The following CES5A variants were observed in gnomAD, a reference collection of about 807,000 sequenced individuals.
CES5A encodes the protein carboxylesterase 5A.
In CES5A, 67 loss-of-function variants were observed where a neutral mutation model predicts 62.9. The ratio of observed to expected loss-of-function variants is 1.07; its 90% CI spans 0.88 to 1.31. The LOEUF (loss-of-function observed/expected upper bound fraction) is 1.31. CES5A is among the 50% of genes most tolerant of loss of function. The pLI, the probability that CES5A is intolerant of heterozygous loss-of-function variation, is 0.00. For missense variants in CES5A, 748 were observed against 708.5 expected, an observed-to-expected ratio of 1.06 and a Z score of -0.63; for synonymous variants, 296 against 280.8, an observed-to-expected ratio of 1.05 and a Z score of -0.54.
At chr16:55,953,226 T>C (rs1003705942) in intron 1 of CES5A, among the ~76,000 whole-genome samples, 2 of 152,200 alleles carry the variant, frequency 1.3e-5, no homozygotes, top group Non-Finnish European at 2.9e-5. Context: ...ACAGTGTACA[T>C]CGTAGTTATG....
intron 4 of CES5A, 111 bp from the exon 5 acceptor site, chr16:55,866,227 G>T: frequency 2.1e-6 from 2 of 972,690 alleles, no homozygotes; most frequent in Non-Finnish European, 3.0e-6. Context: ...AGGGGGCGGA[G>T]AGTCAGAGGC....
Position 55,938,732 on chromosome 16 carries a change from T to C in CES5A, c.160+11053A>G, listed in dbSNP as rs1249256528. On this transcript the variant is annotated intron_variant, in intron 2 of 13. Coordinates refer to the CES5A transcript ENST00000521992. ...GCCTGGGGGAGAGAGTGAGACTCCA[T>C]CTCAAAAAAAAAAAAAAAAAAAAAA... is the stretch of plus-strand genomic sequence containing the variant. Among the ~76,000 whole-genome samples, 24 of 46,160 alleles carry C rather than the reference T, an allele frequency of 5.2e-4. No individual in the cohort carries two copies. The Admixed American group carries it at 6.7e-3, about 13-fold the overall frequency. The allele number at this position is 46,160 out of a possible 152,430, so 30.3% of individuals were successfully genotyped here. A position where few individuals can be genotyped will look rare whatever the true frequency, so the allele number is the denominator to read the frequency against.
chr16:55,956,003 T>C (rs1440740961), exon 1 of CES5A: 5 of 1,104,964 alleles, frequency 4.5e-6, no homozygotes, highest in African/African-American at 1.6e-5. Context: ...GTCAAATGAG[T>C]TCACCACTTT....
intron 1 of CES5A, among the ~76,000 whole-genome samples, chr16:55,897,196 G>A (rs1400344566): frequency 2.0e-5 from 3 of 151,956 alleles, no homozygotes; most frequent in African/African-American, 7.3e-5. Context: ...CCAACCCCAG[G>A]GTACCACTCC....
intron 1 of CES5A, among the ~76,000 whole-genome samples, chr16:55,882,087 T>C (rs1291913135): frequency 6.6e-6 from 1 of 152,128 alleles, no homozygotes; most frequent in Non-Finnish European, 1.5e-5. Flanking sequence ...ATGTCGGCCA[T>C]AACAATGAAA....
At chr16:55,912,018 C>T in intron 1 of CES5A, among the ~76,000 whole-genome samples, 1 of 152,312 alleles carries the variant, frequency 6.6e-6, no homozygotes, top group Middle Eastern at 3.4e-3. Flanking sequence ...CAGTGATGGC[C>T]CAGTGTCCCT....
intron 9 of CES5A, among the ~76,000 whole-genome samples, chr16:55,855,801 G>A (rs1219107105): frequency 6.6e-6 from 1 of 152,164 alleles, no homozygotes; most frequent in African/African-American, 2.4e-5. Context: ...ATTGTGGATT[G>A]GGTTTGTGGG....
intron 4 of CES5A, chr16:55,869,364 A>T: frequency 2.0e-6 from 1 of 502,952 alleles, no homozygotes; most frequent in Non-Finnish European, 3.1e-6. Flanking sequence ...ACCATGAGGA[A>T]GAATGTCTGC....
At chr16:55,929,995 A>T (rs573909937), upstream of CES5A, among the ~76,000 whole-genome samples, 2 of 151,946 alleles carry the variant, frequency 1.3e-5, no homozygotes, top group Admixed American at 1.3e-4. Context: ...TGGCTCCCCA[A>T]TATTGTCAGG....
At chr16:55,874,820 C>T (rs2033664417) in intron 1 of CES5A, among the ~76,000 whole-genome samples, 1 of 152,156 alleles carries the variant, frequency 6.6e-6, no homozygotes, top group Non-Finnish European at 1.5e-5. Flanking sequence ...CATTTCATTA[C>T]TGAAAGTCCT....
intron 1 of CES5A, among the ~76,000 whole-genome samples, chr16:55,954,833 G>A (rs1226737240): frequency 6.6e-6 from 1 of 152,106 alleles, no homozygotes; most frequent in East Asian, 1.9e-4. Context: ...CTTTCCCTAG[G>A]TTCTTATATC....
At chr16:55,929,711 T>C (rs2034290165), upstream of CES5A, among the ~76,000 whole-genome samples, 1 of 152,184 alleles carries the variant, frequency 6.6e-6, no homozygotes. Flanking sequence ...AGGGCATAGA[T>C]TGTATTGAAG....
intron 2 of CES5A, among the ~76,000 whole-genome samples, chr16:55,946,061 G>A (rs184266357): frequency 3.3e-5 from 5 of 152,248 alleles, no homozygotes; most frequent in Middle Eastern, 3.4e-3. Context: ...AGTAGCATTC[G>A]GAATTCACTT....
At chr16:55,927,604 A>C (rs1172043716), upstream of CES5A, among the ~76,000 whole-genome samples, 1 of 152,228 alleles carries the variant, frequency 6.6e-6, no homozygotes, top group Non-Finnish European at 1.5e-5. Context: ...CAATTTTTAC[A>C]AGTCAAAAAT....
intron 1 of CES5A, among the ~76,000 whole-genome samples, chr16:55,909,033 G>A (rs1016155623): frequency 6.6e-6 from 1 of 152,196 alleles, no homozygotes; most frequent in Non-Finnish European, 1.5e-5. Context: ...AACAGGGAAC[G>A]AATGCTCCAC....
At chr16:55,866,236 G>C (rs1597121228) in intron 4 of CES5A, 120 bp from the exon 5 acceptor site, 6 of 840,018 alleles carry the variant, frequency 7.1e-6, no homozygotes, top group Non-Finnish European at 1.1e-5. Flanking sequence ...AGAGTCAGAG[G>C]CCTGGAGGAG....
At chr16:55,881,060 G>T (rs1040529093) in intron 1 of CES5A, among the ~76,000 whole-genome samples, 6 of 152,148 alleles carry the variant, frequency 3.9e-5, no homozygotes, top group Admixed American at 3.3e-4. Context: ...CATCTGGATG[G>T]ATGCATTTGA....
At chr16:55,915,630 G>A (rs529264683) in intron 1 of CES5A, among the ~76,000 whole-genome samples, 3 of 152,190 alleles carry the variant, frequency 2.0e-5, no homozygotes, top group Non-Finnish European at 4.4e-5. Context: ...TCCGCTAGAG[G>A]CCACCTCCTC....
At chr16:55,865,848 T>A in intron 5 of CES5A, 115 bp downstream of exon 5, 9 of 1,157,342 alleles carry the variant, frequency 7.8e-6, no homozygotes, top group Non-Finnish European at 1.2e-5. Flanking sequence ...AAAAAGACAA[T>A]GTGTATTAAA....
Sources: gnomAD v4.1 joint callset for allele counts (sites outside exome capture counted in the v4.1 genomes callset) on GRCh38, gnomAD v4.1.1 for gene constraint, MANE v1.5 for transcripts, NCBI Gene and HGNC (gene_info 2026-07-23, HGNC 2026-07-21) for gene names.